ACVR1C: variants seen among roughly 807,000 people sequenced by gnomAD.
The protein encoded by ACVR1C is activin A receptor type 1C.
ACVR1C carries 23 observed loss-of-function variants against 57.9 expected under a neutral mutation model. The observed-to-expected ratio is 0.40, with a 90% CI of 0.29 to 0.56. The LOEUF is 0.56. Ranked by LOEUF, ACVR1C falls within the 20% of genes least tolerant of loss-of-function variation. ACVR1C has a pLI of 0.50. For synonymous variants in ACVR1C, 214 were observed against 215.3 expected (o/e 0.99, Z 0.05); for missense variants, 480 against 607.9 (o/e 0.79, Z 2.21).
chr2:157,588,848 C>CATATAT (rs71402394), intron 1 of ACVR1C, among the ~76,000 whole-genome samples: 7,758 of 88,872 alleles, frequency 0.087, 499 homozygotes, highest in East Asian at 0.15. Flanking sequence ...ACAAACACAC[C>CATATAT]ATATATATAT....
intron 2 of ACVR1C, 130 bp downstream of exon 2, chr2:157,587,057 C>A: frequency 1.1e-5 from 10 of 871,762 alleles, no homozygotes; most frequent in Non-Finnish European, 1.7e-5. Flanking sequence ...TTTTACCAGC[C>A]AAAATCAAAA....
At chr2:157,576,762 T>C (rs1688662402) in intron 2 of ACVR1C, among the ~76,000 whole-genome samples, 1 of 152,074 alleles carries the variant, frequency 6.6e-6, no homozygotes, top group Non-Finnish European at 1.5e-5. Context: ...TTTGGAAGAG[T>C]TTGTGTAAGA....
rs1188779970 is a variant in ACVR1C at position 157,554,231 on chromosome 2, GAAAGAAAGAAAGAAAGAAAGA to G, written c.544+1841_544+1861del. Among the ~76,000 whole-genome samples, 4 of 107,784 alleles carry G rather than the reference GAAAGAAAGAAAGAAAGAAAGA, an allele frequency of 3.7e-5. No individual in the cohort carries two copies. The Admixed American group carries it at 3.8e-4, about 10-fold the overall frequency. The allele number at this position is 107,784 out of a possible 152,430, so 70.7% of individuals were successfully genotyped here. A position where few individuals can be genotyped will look rare whatever the true frequency, so the allele number is the denominator to read the frequency against. On this transcript the variant is annotated intron_variant, in intron 3 of 8. Coordinates refer to ENST00000243349, the MANE Select transcript of ACVR1C (RefSeq NM_145259.3). ...AGAAAGAAAGAAAGAAAGAAAGAAA[GAAAGAAAGAAAGAAAGAAAGA>G]AAGAAAGAAAGAAAGAAAGGAAGGA...
At chr2:157,545,565 C>T (rs184792842) in intron 4 of ACVR1C, among the ~76,000 whole-genome samples, 1 of 152,260 alleles carries the variant, frequency 6.6e-6, no homozygotes, top group African/African-American at 2.4e-5. Context: ...CACATCAATG[C>T]TTTTGTCAGA....
chr2:157,622,309 C>A (rs1343896572), intron 1 of ACVR1C, among the ~76,000 whole-genome samples: 2 of 152,188 alleles, frequency 1.3e-5, no homozygotes, highest in African/African-American at 2.4e-5. Flanking sequence ...ATAGCCAAAG[C>A]TATCCTAAGG....
At chr2:157,538,302 G>A (rs574348115) in intron 8 of ACVR1C, among the ~76,000 whole-genome samples, 3 of 152,282 alleles carry the variant, frequency 2.0e-5, no homozygotes, top group African/African-American at 4.8e-5. Context: ...CAGGTGCCAT[G>A]GAGAGTTGCC....
At chr2:157,548,511 C>T (rs1307007362) in intron 4 of ACVR1C, among the ~76,000 whole-genome samples, 7 of 151,734 alleles carry the variant, frequency 4.6e-5, no homozygotes, top group Non-Finnish European at 8.8e-5. Flanking sequence ...AGGCATCACA[C>T]TACCTGACTT....
intron 2 of ACVR1C, among the ~76,000 whole-genome samples, chr2:157,564,376 A>C (rs975280402): frequency 6.6e-6 from 1 of 152,248 alleles, no homozygotes; most frequent in Non-Finnish European, 1.5e-5. Context: ...ATCATTAATC[A>C]TTAGGGAAAT....
rs1166673398 is a variant in ACVR1C at position 157,576,835 on chromosome 2, C to CTTTTTTTTTT, written c.304+10342_304+10351dup. 2.2e-4 allele frequency among the ~76,000 whole-genome samples: 9 copies of CTTTTTTTTTT among 41,718 alleles called. 1 individual carries two copies. Among genetic ancestry groups the CTTTTTTTTTT allele is most frequent in the African/African-American group, 8.2e-4 (6 of 7,348 alleles). 27.4% of individuals were successfully genotyped at this position (41,718 alleles called of 152,430 possible). ...AGAGCCTTTTGGGCTTTGAAATTTT[C>CTTTTTTTTTT]TTTTTTTTTTTTTTTTTTTTTTTTT... On this transcript the variant is annotated intron_variant, in intron 2 of 8. Coordinates refer to ENST00000243349, the MANE Select transcript of ACVR1C (RefSeq NM_145259.3).
At chr2:157,595,962 T>C (rs1029918066) in intron 1 of ACVR1C, among the ~76,000 whole-genome samples, 1 of 152,246 alleles carries the variant, frequency 6.6e-6, no homozygotes, top group Non-Finnish European at 1.5e-5. Flanking sequence ...TGTAATTCGC[T>C]TTTTAATTGT....
In ACVR1C at chr2:157,550,045, AAAG is replaced by A. The variant is rs1160283732; in HGVS notation, c.775+114_775+116del. On this transcript the variant is annotated intron_variant, in intron 4 of 8. Coordinates refer to ENST00000243349, the MANE Select transcript of ACVR1C (RefSeq NM_145259.3). ...AAGAAAAGGAAAAGGAAAAAAAAAAAAAGAAGAGGTGAATTTATTTTTTCTTAT... is the reference window on the plus strand; with the variant it reads ...AAGAAAAGGAAAAGGAAAAAAAAAAAAAGAGGTGAATTTATTTTTTCTTAT... The A allele has an allele frequency of 1.7e-5, 15 of 859,864 alleles. No homozygotes were observed. The Admixed American group carries it at 3.5e-4, about 20-fold the overall frequency. The allele number at this position is 859,864 out of a possible 1,614,324, so 53.3% of individuals were successfully genotyped here.
chr2:157,579,125 A>C (rs1688726816), intron 2 of ACVR1C, among the ~76,000 whole-genome samples: 1 of 151,952 alleles, frequency 6.6e-6, no homozygotes, highest in African/African-American at 2.4e-5. Context: ...TGTCCTATTG[A>C]TATTCATTGA....
intron 1 of ACVR1C, among the ~76,000 whole-genome samples, chr2:157,591,451 A>T (rs531537104): frequency 1.3e-5 from 2 of 152,180 alleles, no homozygotes; most frequent in East Asian, 3.9e-4. Context: ...AAACTCTTAC[A>T]TAACACCAAT....
chr2:157,576,102 T>C (rs1688642927), intron 2 of ACVR1C, among the ~76,000 whole-genome samples: 1 of 151,950 alleles, frequency 6.6e-6, no homozygotes, highest in Non-Finnish European at 1.5e-5. Context: ...ATCCCCTCTC[T>C]GCTCAACATT....
intron 1 of ACVR1C, among the ~76,000 whole-genome samples, chr2:157,612,363 C>T (rs2105150006): frequency 6.6e-6 from 1 of 152,024 alleles, no homozygotes; most frequent in East Asian, 1.9e-4. Context: ...CAGCCTCTGG[C>T]AGCAGCAAGG....
intron 2 of ACVR1C, among the ~76,000 whole-genome samples, chr2:157,568,720 C>T (rs372839105): frequency 9.8e-5 from 1 of 10,162 alleles, no homozygotes; most frequent in Admixed American, 1.6e-3. Flanking sequence ...AGCAAGTCCT[C>T]AGTGACCTAC....
At chr2:157,597,191 T>TA (rs989073287) in intron 1 of ACVR1C, among the ~76,000 whole-genome samples, 3 of 152,104 alleles carry the variant, frequency 2.0e-5, no homozygotes, top group Non-Finnish European at 2.9e-5. Context: ...AGTGTGGAAA[T>TA]ACCTCCTGCT....
At chr2:157,562,897 A>AG (rs1242875431) in intron 2 of ACVR1C, among the ~76,000 whole-genome samples, 1 of 152,230 alleles carries the variant, frequency 6.6e-6, no homozygotes, top group Non-Finnish European at 1.5e-5. Context: ...GAAGCAGAAA[A>AG]GGCCTTCTAT....
At chr2:157,550,013 A>T (rs957253367) in intron 4 of ACVR1C, 149 bp downstream of exon 4, 1 of 755,584 alleles carries the variant, frequency 1.3e-6, no homozygotes, top group African/African-American at 1.8e-5. Context: ...AAAAAAAAAA[A>T]AAAAGAAAGA....
Sources: allele counts gnomAD v4.1 joint callset (sites outside exome capture counted in the v4.1 genomes callset), GRCh38; gene constraint gnomAD v4.1.1; transcripts MANE v1.5; gene names NCBI Gene and HGNC (gene_info 2026-07-23, HGNC 2026-07-21).